The following RHOBTB1 variants were observed in gnomAD, a reference collection of about 807,000 sequenced individuals.
RHOBTB1 encodes Rho related BTB domain containing 1.
Under a neutral mutation model 71.6 loss-of-function variants are expected in RHOBTB1, and 40 were observed. The ratio of observed to expected loss-of-function variants is 0.56; its 90% CI spans 0.43 to 0.73. RHOBTB1 has a LOEUF of 0.73. Ranked by LOEUF, RHOBTB1 falls within the 30% of genes least tolerant of loss-of-function variation. The pLI, the probability that RHOBTB1 is intolerant of heterozygous loss-of-function variation, is 0.00. For synonymous variants in RHOBTB1, 319 were observed against 334.9 expected (o/e 0.95, Z 0.52); for missense variants, 797 against 894.0 (o/e 0.89, Z 1.38).
intron 2 of RHOBTB1, among the ~76,000 whole-genome samples, chr10:60,929,195 A>G (rs542646430): frequency 6.6e-5 from 10 of 152,282 alleles, no homozygotes; most frequent in Non-Finnish European, 1.5e-4. Flanking sequence ...GGGACACAGA[A>G]CTAAACCATA....
chr10:60,986,166 G>A (rs1408199224), intron 1 of RHOBTB1, among the ~76,000 whole-genome samples: 2 of 151,870 alleles, frequency 1.3e-5, no homozygotes, highest in Non-Finnish European at 1.5e-5. Context: ...GGGTCAAATC[G>A]CACTCATAGT....
Position 60,955,043 on chromosome 10 carries a change from C to CTTTTTTTT in RHOBTB1, c.-61-13197_-61-13190dup, listed in dbSNP as rs34012455. On this transcript the variant is annotated intron_variant, in intron 2 of 11. Coordinates refer to the RHOBTB1 transcript ENST00000357917. Reference sequence around the variant, plus strand: ...GGGGAATCTTTTCTTTTCTTTCTTTCTTTTTTTTTTTTTTTTTTTAAGATG... The same window carrying CTTTTTTTT: ...GGGGAATCTTTTCTTTTCTTTCTTTCTTTTTTTTTTTTTTTTTTTTTTTTTTTAAGATG... Among the ~76,000 whole-genome samples the CTTTTTTTT allele has an allele frequency of 1.7e-3, 186 of 112,570 alleles. 1 individual carries two copies. The highest frequency in any genetic ancestry group is 3.5e-3 in the East Asian group (12 of 3,422). 73.9% of individuals were successfully genotyped at this position (112,570 alleles called of 152,430 possible).
In RHOBTB1 at chr10:60,888,632, A is replaced by T; in HGVS notation, c.1036T>A (p.Trp346Arg). Reference protein sequence around the residue: ...GPPRIPQADQWKSSNKSLVEA... With the variant: ...GPPRIPQADQRKSSNKSLVEA... ...ACCAGGCTCTTGTTTGAAGACTTCC[A>T]CTGGTCGGCCTGAGGAATCCTAGGC... The change falls in exon 6 of 11, where the codon TGG becomes AGG. Residue 346 changes from tryptophan to arginine, a missense_variant. Around this residue, in one of 2 missense-constraint regions of RHOBTB1, gnomAD observed 658 missense variants for 681.5 expected, o/e 0.97. Transcript: ENST00000337910. The T allele has an allele frequency of 5.0e-6, 8 of 1,614,164 alleles. No homozygotes were observed. Among genetic ancestry groups the T allele is most frequent in the Non-Finnish European group, 6.8e-6 (8 of 1,180,026 alleles).
At chr10:60,968,326 A>C (rs1347645630) in intron 2 of RHOBTB1, among the ~76,000 whole-genome samples, 1 of 152,172 alleles carries the variant, frequency 6.6e-6, no homozygotes. Context: ...TGTTCAATTC[A>C]AAATTCAAAT....
At chr10:60,928,010 A>T (rs1370195202) in intron 2 of RHOBTB1, among the ~76,000 whole-genome samples, 1 of 152,224 alleles carries the variant, frequency 6.6e-6, no homozygotes, top group Non-Finnish European at 1.5e-5. Flanking sequence ...AAAAATGGCA[A>T]AGGAACTGCA....
chr10:60,932,935 C>T (rs2084344982), intron 2 of RHOBTB1, among the ~76,000 whole-genome samples: 1 of 152,232 alleles, frequency 6.6e-6, no homozygotes, highest in Non-Finnish European at 1.5e-5. Flanking sequence ...GCTTCTGAAG[C>T]AGCAGCGTGA....
chr10:60,912,212 T>TACAC (rs2083021309), intron 2 of RHOBTB1, among the ~76,000 whole-genome samples: 1 of 147,018 alleles, frequency 6.8e-6, no homozygotes, highest in African/African-American at 2.6e-5. Flanking sequence ...TGTATATATA[T>TACAC]GTGTATATAT....
At chr10:60,874,382 A>G (rs1358255313) in intron 9 of RHOBTB1, among the ~76,000 whole-genome samples, 1 of 152,196 alleles carries the variant, frequency 6.6e-6, no homozygotes, top group Non-Finnish European at 1.5e-5. Context: ...CTGTCATCCC[A>G]TTTCCTGTGG....
At chr10:60,884,813 G>A (rs113280455) in intron 7 of RHOBTB1, among the ~76,000 whole-genome samples, 2 of 152,184 alleles carry the variant, frequency 1.3e-5, no homozygotes, top group Non-Finnish European at 2.9e-5. Context: ...GTAGAAGAGT[G>A]ATTACCAGAG....
chr10:60,870,954 T>G lies in RHOBTB1; in HGVS notation c.*528A>C, dbSNP rs1287670765. 6.6e-6 allele frequency: 1 copy of G among 152,660 alleles called. No homozygotes were observed. Among genetic ancestry groups the G allele is most frequent in the East Asian group, 1.9e-4 (1 of 5,202 alleles). 9.5% of individuals were successfully genotyped at this position (152,660 alleles called of 1,614,324 possible). A position where few individuals can be genotyped will look rare whatever the true frequency, so the allele number is the denominator to read the frequency against. ...ATTAAACACTCTCCAATTTGCACTT[T>G]GGGAGATTTCAGTCCCCTCCTTCCT... On this transcript the variant is annotated 3_prime_UTR_variant, in exon 11 of 11. Transcript: ENST00000337910.
intron 7 of RHOBTB1, among the ~76,000 whole-genome samples, chr10:60,881,758 A>C (rs375615429): frequency 1.3e-5 from 2 of 152,206 alleles, no homozygotes; most frequent in South Asian, 2.1e-4. Flanking sequence ...AAGAAGAAAT[A>C]GCAAAATGAA....
chr10:60,894,871 A>G (rs997807858), intron 4 of RHOBTB1, among the ~76,000 whole-genome samples: 10 of 152,236 alleles, frequency 6.6e-5, no homozygotes, highest in African/African-American at 2.2e-4. Context: ...AGCTTAATTT[A>G]TATGACAGAC....
At chr10:60,974,706 C>T (rs112408435) in intron 2 of RHOBTB1, among the ~76,000 whole-genome samples, 19 of 152,152 alleles carry the variant, frequency 1.2e-4, no homozygotes, top group African/African-American at 4.6e-4. Flanking sequence ...TGATTCTAGA[C>T]AGAGACACAA....
upstream of RHOBTB1, among the ~76,000 whole-genome samples, chr10:60,947,284 A>G (rs2085269872): frequency 6.6e-6 from 1 of 152,218 alleles, no homozygotes; most frequent in East Asian, 1.9e-4. Context: ...TGGTACCTAA[A>G]TGGAATTCAA....
chr10:60,953,677 CAG>C (rs1253576627), intron 2 of RHOBTB1, among the ~76,000 whole-genome samples: 1 of 151,910 alleles, frequency 6.6e-6, no homozygotes, highest in Non-Finnish European at 1.5e-5. Context: ...ACAGTGATAA[CAG>C]AATAGTCTAG....
chr10:60,934,932 T>A (rs987733017), intron 2 of RHOBTB1, among the ~76,000 whole-genome samples: 2 of 152,194 alleles, frequency 1.3e-5, no homozygotes, highest in African/African-American at 4.8e-5. Context: ...GGGCATGTTA[T>A]ATGAGACATA....
At chr10:60,950,832 C>A (rs1366923963) in intron 2 of RHOBTB1, among the ~76,000 whole-genome samples, 1 of 151,998 alleles carries the variant, frequency 6.6e-6, no homozygotes, top group Non-Finnish European at 1.5e-5. Flanking sequence ...TGTATCATTC[C>A]CCCAATTCCT....
At chr10:60,911,839 G>A (rs1195779805) in intron 2 of RHOBTB1, among the ~76,000 whole-genome samples, 1 of 152,114 alleles carries the variant, frequency 6.6e-6, no homozygotes, top group Non-Finnish European at 1.5e-5. Flanking sequence ...CCTGCCTACT[G>A]GAGCTCCATT....
intron 2 of RHOBTB1, among the ~76,000 whole-genome samples, chr10:60,930,179 A>G (rs184382346): frequency 2.0e-5 from 3 of 152,356 alleles, no homozygotes; most frequent in Admixed American, 2.0e-4. Context: ...TCTTTAAGAA[A>G]AAAAATGAAA....
Sources: allele counts gnomAD v4.1 joint callset (sites outside exome capture counted in the v4.1 genomes callset), GRCh38; gene constraint gnomAD v4.1.1; regional missense constraint gnomAD v4.1.1; transcripts MANE v1.5; gene names NCBI Gene and HGNC (gene_info 2026-07-23, HGNC 2026-07-21).